The following CSMD1 variants were observed in gnomAD, a reference collection of about 807,000 sequenced individuals.
CSMD1 encodes the protein CUB and sushi domain-containing protein 1.
In CSMD1, 213 loss-of-function variants were observed where a neutral mutation model predicts 417.5. The observed-to-expected ratio is 0.51, with a 90% CI of 0.46 to 0.57. CSMD1 has a LOEUF of 0.57. Among genes scored for constraint, CSMD1 ranks in the 20% least tolerant of loss-of-function variants. The pLI, the probability that CSMD1 is intolerant of heterozygous loss-of-function variation, is 0.00. For synonymous variants in CSMD1, 2,862 were observed against 1,736.8 expected, an observed-to-expected ratio of 1.65 and a Z score of -16.11; for missense variants, 6,923 against 4,529.7, an observed-to-expected ratio of 1.53 and a Z score of -15.17.
chr8:3,264,339 T>C (rs1801284091), intron 26 of CSMD1, among the ~76,000 whole-genome samples: 1 of 152,176 alleles, frequency 6.6e-6, no homozygotes, highest in Non-Finnish European at 1.5e-5. Context: ...TATTATAACA[T>C]TAGTGTGATA....
intron 2 of CSMD1, among the ~76,000 whole-genome samples, chr8:4,553,958 T>C (rs1234281859): frequency 6.6e-6 from 1 of 152,184 alleles, no homozygotes; most frequent in Non-Finnish European, 1.5e-5. Flanking sequence ...CCATTTAGCC[T>C]GTCACGCTGA....
At chr8:3,321,657 A>G (rs1239033565) in intron 23 of CSMD1, among the ~76,000 whole-genome samples, 4 of 152,092 alleles carry the variant, frequency 2.6e-5, no homozygotes, top group East Asian at 3.9e-4. Flanking sequence ...GCATATTACT[A>G]TATTTAACTG....
intron 1 of CSMD1, among the ~76,000 whole-genome samples, chr8:4,988,740 G>T (rs962151106): frequency 1.3e-5 from 2 of 152,184 alleles, no homozygotes; most frequent in South Asian, 4.1e-4. Flanking sequence ...AGTACAGGTT[G>T]ATACAAATGG....
At chr8:4,839,207 C>G (rs28405508) in intron 1 of CSMD1, among the ~76,000 whole-genome samples, 6 of 152,096 alleles carry the variant, frequency 3.9e-5, no homozygotes, top group Admixed American at 6.5e-5. Flanking sequence ...TCATGAGTCA[C>G]TCTGAATATG....
chr8:3,884,600 G>A (rs746497788), intron 5 of CSMD1, among the ~76,000 whole-genome samples: 9 of 152,152 alleles, frequency 5.9e-5, no homozygotes, highest in Non-Finnish European at 1.2e-4. Flanking sequence ...TCGGTGAGAA[G>A]TCATTTGTTC....
chr8:3,135,990 C>G (rs1360550949), intron 41 of CSMD1, among the ~76,000 whole-genome samples: 1 of 152,102 alleles, frequency 6.6e-6, no homozygotes, highest in Non-Finnish European at 1.5e-5. Context: ...ATGCCCCAGC[C>G]CACACAGCTG....
intron 69 of CSMD1, among the ~76,000 whole-genome samples, 186 bp downstream of exon 69, chr8:2,942,286 G>T (rs1022351831): frequency 6.6e-6 from 1 of 151,422 alleles, no homozygotes; most frequent in Non-Finnish European, 1.5e-5. Context: ...ATTTAACTAG[G>T]TAACAAACCT....
At chr8:4,365,408 T>A (rs1460038862) in intron 3 of CSMD1, among the ~76,000 whole-genome samples, 1 of 152,206 alleles carries the variant, frequency 6.6e-6, no homozygotes, top group Non-Finnish European at 1.5e-5. Flanking sequence ...AAATGTTAAT[T>A]TTGCCTAACC....
At chr8:4,125,766 A>AT (rs1031404342) in intron 3 of CSMD1, among the ~76,000 whole-genome samples, 2 of 152,134 alleles carry the variant, frequency 1.3e-5, no homozygotes, top group African/African-American at 4.8e-5. Flanking sequence ...TACAGCCCTT[A>AT]TCAACTGATA....
In CSMD1 at chr8:4,753,961, A is replaced by C. The variant is rs560207402; in HGVS notation, c.86-116403T>G. Among the ~76,000 whole-genome samples the C allele has an allele frequency of 6.3e-4, 96 of 152,364 alleles. 1 individual carries two copies. The highest frequency in any genetic ancestry group is 2.3e-3 in the African/African-American group (95 of 41,590). ...TTATGTGCTGCCAATTTAAAAAAGC[A>C]AATGAACAGCTTCAAATACAGGAAG... On this transcript the variant is annotated intron_variant, in intron 1 of 69. Coordinates refer to ENST00000635120, the MANE Select transcript of CSMD1 (RefSeq NM_033225.6).
chr8:4,954,500 T>C (rs963016817), intron 1 of CSMD1, among the ~76,000 whole-genome samples: 13 of 152,206 alleles, frequency 8.5e-5, no homozygotes, highest in Non-Finnish European at 1.9e-4. Context: ...CACAACAGAA[T>C]AGATGCATTC....
chr8:4,659,212 A>G lies in CSMD1; in HGVS notation c.86-21654T>C, dbSNP rs544243529. On this transcript the variant is annotated intron_variant, in intron 1 of 69. Transcript: ENST00000635120. ...CACACAAAAATATATATGGAATCAGAAAAACAGTGCTCAGAGGAAATGCAT... is the reference window on the plus strand; with the variant it reads ...CACACAAAAATATATATGGAATCAGGAAAACAGTGCTCAGAGGAAATGCAT... Among the ~76,000 whole-genome samples, 17 of 152,292 alleles carry G rather than the reference A, an allele frequency of 1.1e-4. 1 individual carries two copies. The South Asian group carries it at 3.5e-3, about 32-fold the overall frequency.
chr8:4,418,116 G>A (rs1438193), intron 3 of CSMD1, among the ~76,000 whole-genome samples: 51,696 of 151,376 alleles, frequency 0.34, 9,023 homozygotes, highest in East Asian at 0.43. Context: ...AGCCAACAAA[G>A]CACCTTTTTG....
chr8:4,939,095 C>T (rs1807814062), intron 1 of CSMD1, among the ~76,000 whole-genome samples: 1 of 152,120 alleles, frequency 6.6e-6, no homozygotes, highest in Admixed American at 6.5e-5. Flanking sequence ...TGCGGGTTGC[C>T]TCTTTATTTT....
intron 5 of CSMD1, among the ~76,000 whole-genome samples, chr8:3,961,997 A>G (rs1812361233): frequency 2.0e-5 from 3 of 152,216 alleles, no homozygotes; most frequent in Non-Finnish European, 4.4e-5. Context: ...AAAGTTGCAC[A>G]AAGACATGCG....
At chr8:4,036,216 A>G (rs1210016256) in intron 3 of CSMD1, among the ~76,000 whole-genome samples, 1 of 152,188 alleles carries the variant, frequency 6.6e-6, no homozygotes, top group Non-Finnish European at 1.5e-5. Flanking sequence ...CTAAGGATGC[A>G]TTTCTCAGAA....
At chr8:3,589,093 G>C (rs929458840) in intron 8 of CSMD1, among the ~76,000 whole-genome samples, 8 of 152,072 alleles carry the variant, frequency 5.3e-5, no homozygotes, top group South Asian at 4.2e-4. Flanking sequence ...GTGTTGGTGA[G>C]GATGTGGAGA....
At chr8:3,800,354 G>T (rs1189031943) in intron 5 of CSMD1, among the ~76,000 whole-genome samples, 5 of 151,962 alleles carry the variant, frequency 3.3e-5, no homozygotes, top group African/African-American at 7.2e-5. Context: ...TATTGTTCCG[G>T]AAGTGTTTTG....
chr8:3,722,380 G>A (rs1802233411), intron 6 of CSMD1, among the ~76,000 whole-genome samples: 2 of 152,260 alleles, frequency 1.3e-5, no homozygotes, highest in Admixed American at 6.5e-5. Context: ...GTCACTTTAG[G>A]AATTTGAAAG....
Sources: allele counts gnomAD v4.1 joint callset (sites outside exome capture counted in the v4.1 genomes callset), GRCh38; gene constraint gnomAD v4.1.1; transcripts MANE v1.5; gene names NCBI Gene and HGNC (gene_info 2026-07-23, HGNC 2026-07-21).